COBL: variants seen among roughly 807,000 people sequenced by gnomAD.
COBL encodes protein cordon-bleu.
COBL carries 51 observed loss-of-function variants against 98.8 expected under a neutral mutation model. The observed-to-expected ratio is 0.52, with a 90% CI of 0.41 to 0.65. The LOEUF (loss-of-function observed/expected upper bound fraction) is 0.65. COBL is among the 30% of genes least tolerant of loss of function. The pLI is 0.00. For synonymous variants in COBL, 634 were observed against 651.7 expected (o/e 0.97, Z 0.41); for missense variants, 1,617 against 1,617.5 (o/e 1.00, Z 0.01).
intron 7 of COBL, 62 bp downstream of exon 7, chr7:51,085,104 G>A: frequency 1.9e-6 from 3 of 1,610,238 alleles, no homozygotes; most frequent in Non-Finnish European, 2.5e-6. Context: ...TCACATCAGA[G>A]CTGACATTCC....
intron 5 of COBL, among the ~76,000 whole-genome samples, chr7:51,148,050 C>T (rs1400932654): frequency 1.3e-5 from 2 of 152,184 alleles, no homozygotes; most frequent in East Asian, 1.9e-4. Context: ...GTGTGAGCCA[C>T]CACACCCAGC....
At chr7:51,221,195 C>A (rs1319700052) in intron 1 of COBL, among the ~76,000 whole-genome samples, 2 of 152,160 alleles carry the variant, frequency 1.3e-5, no homozygotes, top group Non-Finnish European at 2.9e-5. Context: ...CCCGCTCTGG[C>A]CATACCCTAG....
intron 2 of COBL, among the ~76,000 whole-genome samples, chr7:51,209,046 TAAAAAAAAAAAA>T (rs572689062): frequency 4.6e-5 from 2 of 43,426 alleles, no homozygotes; most frequent in African/African-American, 8.1e-5. Flanking sequence ...AATGATCAAT[TAAAAAAAAAAAA>T]AAAAAAAAAA....
rs543252158 is a variant in COBL, at chr7:51,216,696, T to C, written c.245+3045A>G. Among the ~76,000 whole-genome samples the C allele has an allele frequency of 7.2e-5, 11 of 152,304 alleles. No individual in the cohort carries two copies. The South Asian group carries it at 2.3e-3, about 32-fold the overall frequency. Reference sequence around the variant, plus strand: ...CTAAAAAAAAAAAATTCACTGATTTTCCATATGGGATTATCAGCATCCAAT... The same window carrying C: ...CTAAAAAAAAAAAATTCACTGATTTCCCATATGGGATTATCAGCATCCAAT... On this transcript the variant is annotated intron_variant, in intron 2 of 12. Coordinates refer to ENST00000265136, the MANE Select transcript of COBL (RefSeq NM_015198.5).
intron 7 of COBL, among the ~76,000 whole-genome samples, chr7:51,076,793 T>C (rs187668783): frequency 5.3e-5 from 8 of 152,316 alleles, no homozygotes; most frequent in Admixed American, 3.3e-4. Context: ...TGTAAATGTA[T>C]GCCCAAGGAA....
In COBL at chr7:51,279,214, C is replaced by T. The variant is rs147175788; in HGVS notation, c.41+37379G>A. On this transcript the variant is annotated intron_variant, in intron 1 of 12. Coordinates refer to ENST00000265136, the MANE Select transcript of COBL (RefSeq NM_015198.5). ...GTTTCAGCATCTTTCAAAGTAGCTACACTAAATCCCTGGTCATAAGGGATA... is the reference window on the plus strand; with the variant it reads ...GTTTCAGCATCTTTCAAAGTAGCTATACTAAATCCCTGGTCATAAGGGATA... Among the ~76,000 whole-genome samples, 1,115 of 152,298 alleles carry T rather than the reference C, an allele frequency of 7.3e-3. 15 individuals are homozygous for T. Among genetic ancestry groups the T allele is most frequent in the African/African-American group, 0.025 (1,045 of 41,556 alleles).
intron 6 of COBL, among the ~76,000 whole-genome samples, chr7:51,135,307 A>C (rs1252005111): frequency 6.6e-6 from 1 of 152,196 alleles, no homozygotes; most frequent in Admixed American, 6.5e-5. Flanking sequence ...TTTTCTTTGA[A>C]AATGTGTTCC....
chr7:51,132,971 C>T (rs1054512847), intron 6 of COBL, among the ~76,000 whole-genome samples: 4 of 152,176 alleles, frequency 2.6e-5, no homozygotes, highest in South Asian at 4.1e-4. Context: ...GCCCCACCTC[C>T]AACTGGGATC....
chr7:51,279,283 A>G (rs558482696), intron 1 of COBL, among the ~76,000 whole-genome samples: 44 of 152,366 alleles, frequency 2.9e-4, no homozygotes, highest in African/African-American at 1.0e-3. Flanking sequence ...GAGAGCCATG[A>G]CTAACTACTA....
At chr7:51,026,025 G>T (rs1222753336) in intron 11 of COBL, among the ~76,000 whole-genome samples, 1 of 152,188 alleles carries the variant, frequency 6.6e-6, no homozygotes, top group African/African-American at 2.4e-5. Context: ...ATTACTGGGG[G>T]CAAGACATGC....
At chr7:51,150,226 G>A (rs1785429304) in intron 5 of COBL, among the ~76,000 whole-genome samples, 1 of 152,166 alleles carries the variant, frequency 6.6e-6, no homozygotes, top group Non-Finnish European at 1.5e-5. Flanking sequence ...TAGCAGAGTA[G>A]CCCAACCTTC....
chr7:51,184,724 G>A (rs2129052649), intron 4 of COBL, among the ~76,000 whole-genome samples: 1 of 152,316 alleles, frequency 6.6e-6, no homozygotes, highest in South Asian at 2.1e-4. Context: ...CAGCATATCA[G>A]TGTGGACTCG....
At chr7:51,111,550 C>T (rs1214120058) in intron 6 of COBL, among the ~76,000 whole-genome samples, 4 of 152,208 alleles carry the variant, frequency 2.6e-5, no homozygotes, top group Non-Finnish European at 4.4e-5. Context: ...CCGCCGGCCC[C>T]ACCTCAGCCT....
chr7:51,169,925 G>A (rs146144627), intron 5 of COBL, among the ~76,000 whole-genome samples: 13 of 152,130 alleles, frequency 8.5e-5, no homozygotes, highest in African/African-American at 3.1e-4. Flanking sequence ...ACATGGCATG[G>A]AGGCATCAAA....
chr7:51,138,646 G>A (rs1344168877), intron 5 of COBL, among the ~76,000 whole-genome samples: 1 of 152,216 alleles, frequency 6.6e-6, no homozygotes, highest in Non-Finnish European at 1.5e-5. Flanking sequence ...GACAGTGACT[G>A]CACATGCACA....
chr7:51,307,652 C>T (rs1428416687), intron 1 of COBL, among the ~76,000 whole-genome samples: 1 of 152,222 alleles, frequency 6.6e-6, no homozygotes, highest in Non-Finnish European at 1.5e-5. Context: ...TCCAAACTGA[C>T]ATATTTTTCA....
chr7:51,105,312 G>A (rs981811197), intron 6 of COBL, among the ~76,000 whole-genome samples: 5 of 152,168 alleles, frequency 3.3e-5, no homozygotes, highest in Non-Finnish European at 5.9e-5. Flanking sequence ...AGACAAGGAC[G>A]CACAGGCTCT....
chr7:51,276,086 T>A (rs1051072182), intron 1 of COBL, among the ~76,000 whole-genome samples: 1 of 152,220 alleles, frequency 6.6e-6, no homozygotes, highest in Non-Finnish European at 1.5e-5. Flanking sequence ...AATGAAAATG[T>A]GCACTGAGGC....
chr7:51,160,390 G>A (rs1379930672), intron 5 of COBL, among the ~76,000 whole-genome samples: 1 of 152,154 alleles, frequency 6.6e-6, no homozygotes, highest in African/African-American at 2.4e-5. Context: ...AAACAATGCA[G>A]TAATGCCATA....
Sources: allele counts gnomAD v4.1 joint callset (sites outside exome capture counted in the v4.1 genomes callset), GRCh38; gene constraint gnomAD v4.1.1; transcripts MANE v1.5; gene names NCBI Gene and HGNC (gene_info 2026-07-23, HGNC 2026-07-21).